Variants in SSBP2 observed in about 807,000 individuals in gnomAD.
SSBP2 encodes the protein single-stranded DNA-binding protein 2.
In SSBP2, 17 loss-of-function variants were observed where a neutral mutation model predicts 61.8. The ratio of observed to expected loss-of-function variants is 0.28; its 90% confidence interval spans 0.19 to 0.41. The LOEUF is 0.41. Ranked by LOEUF, SSBP2 falls within the 10% of genes least tolerant of loss-of-function variation. The pLI, the probability that SSBP2 is intolerant of heterozygous loss-of-function variation, is 1.00. For synonymous variants in SSBP2, 139 were observed against 141.3 expected, an observed-to-expected ratio of 0.98 and a Z score of 0.12; for missense variants, 310 against 458.7, an observed-to-expected ratio of 0.68 and a Z score of 2.96.
intron 1 of SSBP2, among the ~76,000 whole-genome samples, chr5:81,736,314 A>G (rs1393753830): frequency 2.0e-5 from 3 of 152,236 alleles, no homozygotes; most frequent in Admixed American, 2.0e-4. Context: ...TACCTTGCCC[A>G]CTGCCTTATA....
intron 5 of SSBP2, among the ~76,000 whole-genome samples, chr5:81,502,942 C>T (rs943087553): frequency 6.6e-6 from 1 of 152,122 alleles, no homozygotes; most frequent in African/African-American, 2.4e-5. Context: ...TATCCACCAG[C>T]ATCTATTAAT....
At chr5:81,537,221 A>G (rs962346005) in intron 4 of SSBP2, among the ~76,000 whole-genome samples, 1 of 152,050 alleles carries the variant, frequency 6.6e-6, no homozygotes, top group Non-Finnish European at 1.5e-5. Flanking sequence ...TTCTGTGATG[A>G]ACATCTAAAG....
At chr5:81,468,676 A>T (rs1765050040) in intron 8 of SSBP2, among the ~76,000 whole-genome samples, 1 of 152,034 alleles carries the variant, frequency 6.6e-6, no homozygotes, top group Non-Finnish European at 1.5e-5. Context: ...AGGTGCTCAG[A>T]TGACAAGGAA....
At chr5:81,622,738 T>C (rs983861896) in intron 3 of SSBP2, among the ~76,000 whole-genome samples, 2 of 152,202 alleles carry the variant, frequency 1.3e-5, no homozygotes, top group Admixed American at 1.3e-4. Context: ...GAAGCCAGAC[T>C]TTTTGTTTCA....
At chr5:81,624,732 G>T (rs1413958480) in intron 3 of SSBP2, among the ~76,000 whole-genome samples, 1 of 152,074 alleles carries the variant, frequency 6.6e-6, no homozygotes, top group Non-Finnish European at 1.5e-5. Flanking sequence ...TCCATGCTTG[G>T]TTTTGTGAGC....
In SSBP2 at chr5:81,565,903, C is replaced by T. The variant is rs149497465; in HGVS notation, c.282+49570G>A. 8.5e-5 allele frequency among the ~76,000 whole-genome samples: 13 copies of T among 152,260 alleles called. No homozygotes were observed. In the East Asian group the frequency reaches 2.5e-3, roughly 29 times the overall value. On this transcript the variant is annotated intron_variant, in intron 4 of 16. Coordinates refer to ENST00000320672, the MANE Select transcript of SSBP2 (RefSeq NM_012446.5). ...CATATTTCCTCCTTAATCTGGCTAA[C>T]ATGGAGACCTCAATTTAAAACTCAA...
At chr5:81,484,038 A>T (rs1486014481) in intron 6 of SSBP2, among the ~76,000 whole-genome samples, 1 of 152,152 alleles carries the variant, frequency 6.6e-6, no homozygotes, top group Non-Finnish European at 1.5e-5. Context: ...CAGCTCCACA[A>T]GAGAGATTTT....
At chr5:81,627,658 A>G (rs1056270180) in intron 3 of SSBP2, among the ~76,000 whole-genome samples, 2 of 152,222 alleles carry the variant, frequency 1.3e-5, no homozygotes, top group Non-Finnish European at 2.9e-5. Flanking sequence ...GAATAATCTT[A>G]TATTTTATTT....
intron 4 of SSBP2, among the ~76,000 whole-genome samples, chr5:81,611,415 C>T (rs577734888): frequency 6.6e-6 from 1 of 152,148 alleles, no homozygotes; most frequent in Admixed American, 6.5e-5. Flanking sequence ...AAATATGACT[C>T]TACAAATCTA....
At chr5:81,711,053 C>T (rs1490404957) in intron 1 of SSBP2, among the ~76,000 whole-genome samples, 1 of 151,842 alleles carries the variant, frequency 6.6e-6, no homozygotes, top group Non-Finnish European at 1.5e-5. Flanking sequence ...CATTTAATAA[C>T]AATAAAAATA....
chr5:81,419,161 A>T lies in SSBP2; in HGVS notation c.*1343T>A, dbSNP rs1761454652. Reference sequence around the variant, plus strand: ...CCATAAGGGAATTAGATTAAAAAAAATTTACTTATTCTTTTTTGAACAGTC... The same window carrying T: ...CCATAAGGGAATTAGATTAAAAAAATTTTACTTATTCTTTTTTGAACAGTC... On this transcript the variant is annotated 3_prime_UTR_variant, in exon 17 of 17. Coordinates refer to ENST00000320672, the MANE Select transcript of SSBP2 (RefSeq NM_012446.5). The T allele has an allele frequency of 6.6e-6, 1 of 152,228 alleles. No homozygotes were observed. 9.4% of individuals were successfully genotyped at this position (152,228 alleles called of 1,614,324 possible). A position where few individuals can be genotyped will look rare whatever the true frequency, so the allele number is the denominator to read the frequency against.
At position 81,416,065 on chromosome 5, in the gene SSBP2, A is replaced by T. The variant is rs1366861271; in HGVS notation, c.*4439T>A. 1 of 151,836 alleles carries T rather than the reference A, an allele frequency of 6.6e-6. No homozygotes were observed. Among genetic ancestry groups the T allele is most frequent in the Non-Finnish European group, 1.5e-5 (1 of 68,094 alleles). 9.4% of individuals were successfully genotyped at this position (151,836 alleles called of 1,614,324 possible). On this transcript the variant is annotated 3_prime_UTR_variant, in exon 17 of 17. Transcript: ENST00000320672. ...TGGTGAAACCCTGCCTCTACTAAAA[A>T]TACAAAAATTAGCCTGTGACGCATG...
intron 1 of SSBP2, among the ~76,000 whole-genome samples, chr5:81,738,188 G>C (rs187424004): frequency 5.1e-4 from 78 of 152,314 alleles, no homozygotes; most frequent in African/African-American, 1.9e-3. Flanking sequence ...GAAGCTTCCA[G>C]AGTGCTGGTA....
At position 81,449,343 on chromosome 5, in the gene SSBP2, C is replaced by T. The variant is rs941444101; in HGVS notation, c.688-518G>A. 5.9e-5 allele frequency among the ~76,000 whole-genome samples: 9 copies of T among 152,236 alleles called. No homozygotes were observed. The South Asian group carries it at 6.2e-4, about 11-fold the overall frequency. Reference sequence around the variant, plus strand: ...TTCTAGAGATTAGAAGGTATTAATACGACATTGCTGTGATAATTTAAGAAA... The same window carrying T: ...TTCTAGAGATTAGAAGGTATTAATATGACATTGCTGTGATAATTTAAGAAA... On this transcript the variant is annotated intron_variant, in intron 10 of 16. Coordinates refer to ENST00000320672, the MANE Select transcript of SSBP2 (RefSeq NM_012446.5).
intron 1 of SSBP2, among the ~76,000 whole-genome samples, chr5:81,666,149 A>G (rs1210671481): frequency 6.6e-6 from 1 of 152,212 alleles, no homozygotes; most frequent in African/African-American, 2.4e-5. Context: ...ACAGATTCAG[A>G]GTGTCAAAAT....
chr5:81,750,817 C>T (rs1209871894), intron 1 of SSBP2, 164 bp downstream of exon 1: 215 of 777,138 alleles, frequency 2.8e-4, no homozygotes, highest in Non-Finnish European at 2.0e-5. Context: ...CGGGAAAGCG[C>T]AGCTCCCCGC....
Position 81,474,522 on chromosome 5 carries a change from C to T in SSBP2, c.473G>A (p.Ser158Asn). Residue 158 changes from serine (S) to asparagine (N), a missense_variant, in exon 7 of 17, where the codon AGT (serine) becomes AAT (asparagine). By Grantham distance (46) the Ser-to-Asn change is conservative. Transcript: ENST00000320672. The stretch of plus-strand genomic sequence containing the variant: ...TTGTTGTCGAGTTGGATCCATTCCA[C>T]TGGGGAGTAATGGCTGACTTCCTGG... The T allele has an allele frequency of 6.2e-7, 1 of 1,612,338 alleles. No homozygotes were observed. Among genetic ancestry groups the T allele is most frequent in the Non-Finnish European group, 8.5e-7 (1 of 1,178,954 alleles).
chr5:81,624,442 T>TG (rs1746934223), intron 3 of SSBP2, among the ~76,000 whole-genome samples: 1 of 152,200 alleles, frequency 6.6e-6, no homozygotes, highest in Non-Finnish European at 1.5e-5. Context: ...TTTTTGATTT[T>TG]GAAATATTTT....
At position 81,413,326 on chromosome 5, in the gene SSBP2, T is replaced by G. The variant is rs1761204659; in HGVS notation, c.*7178A>C. 6.6e-6 allele frequency: 1 copy of G among 152,192 alleles called. No homozygotes were observed. 9.4% of individuals were successfully genotyped at this position (152,192 alleles called of 1,614,324 possible). A position where few individuals can be genotyped will look rare whatever the true frequency, so the allele number is the denominator to read the frequency against. ...ACATACACGAACACACATACACAGA[T>G]GCTAAATTTACAAAATGTGTCAGGT... is the stretch of plus-strand genomic sequence containing the variant. On this transcript the variant is annotated 3_prime_UTR_variant, in exon 17 of 17. Transcript: ENST00000320672.
Sources: gnomAD v4.1 joint callset for allele counts (sites outside exome capture counted in the v4.1 genomes callset) on GRCh38, gnomAD v4.1.1 for gene constraint, MANE v1.5 for transcripts, NCBI Gene and HGNC (gene_info 2026-07-23, HGNC 2026-07-21) for gene names.